Variants in ISX observed in about 807,000 individuals in gnomAD.
ISX encodes intestine-specific homeobox.
A neutral mutation model predicts 16.9 loss-of-function variants in ISX; 15 were observed. The observed-to-expected ratio is 0.89, with a 90% CI of 0.59 to 1.36. The LOEUF (loss-of-function observed/expected upper bound fraction) is 1.36, where lower values mean the gene tolerates loss of function less well. ISX is among the 40% of genes most tolerant of loss of function. The probability of loss-of-function intolerance (pLI) is 0.00; values close to 1 mark genes in which losing one functional copy is unlikely to be tolerated. For synonymous variants in ISX, 125 were observed against 119.7 expected (o/e 1.04, Z -0.29); for missense variants, 316 against 306.1 (o/e 1.03, Z -0.24).
At position 35,085,435 on chromosome 22, in the gene ISX, T is replaced by C. The variant is rs1929227484; in HGVS notation, c.499-19T>C. Reference sequence around the variant, plus strand: ...CAGCTTAGGACTCACTTCTCTCTCCTGACCTCTCCTTGTGACAGGGGCCCA... The same window carrying C: ...CAGCTTAGGACTCACTTCTCTCTCCCGACCTCTCCTTGTGACAGGGGCCCA... On this transcript the variant is annotated intron_variant, in intron 4 of 4. Transcript: ENST00000404699. 6.2e-7 allele frequency: 1 copy of C among 1,614,032 alleles called. No homozygotes were observed. The highest frequency in any genetic ancestry group is 1.1e-5 in the South Asian group (1 of 91,078).
Position 35,082,663 on chromosome 22 carries a change from G to A in ISX, c.375G>A (p.Arg125=). The change falls in exon 3 of 5, where the codon CGG becomes CGA. Residue 125 remains arginine (R), a synonymous_variant. Coordinates refer to ENST00000404699, the MANE Select transcript of ISX (RefSeq NM_001303508.2). ...CCAGGATCAACCTCCCAGAAGCTCG[G>A]GTGCAGGTACAGCCATCCCTACCTC... is the stretch of plus-strand genomic sequence containing the variant. ...LAARINLPEA[R]VQIWFQNQRA... The A allele has an allele frequency of 1.2e-6, 2 of 1,614,062 alleles. No homozygotes were observed. The highest frequency in any genetic ancestry group is 1.7e-6 in the Non-Finnish European group (2 of 1,180,000).
At chr22:35,083,231 A>G (rs1929165984) in intron 3 of ISX, among the ~76,000 whole-genome samples, 1 of 152,188 alleles carries the variant, frequency 6.6e-6, no homozygotes, top group African/African-American at 2.4e-5. Flanking sequence ...AAATGTGAAA[A>G]CGATTCTTAG....
At chr22:35,077,336 T>TAACCC (rs1353422314) in intron 2 of ISX, among the ~76,000 whole-genome samples, 3 of 152,188 alleles carry the variant, frequency 2.0e-5, no homozygotes, top group African/African-American at 4.8e-5. Context: ...CTGTGGTCTG[T>TAACCC]AACCCAAGCA....
At chr22:35,070,489 A>G (rs1928820075) in intron 2 of ISX, among the ~76,000 whole-genome samples, 1 of 152,248 alleles carries the variant, frequency 6.6e-6, no homozygotes, top group Non-Finnish European at 1.5e-5. Context: ...CATAGGCCCC[A>G]GGCGAAAGGT....
Position 35,084,429 on chromosome 22 carries a change from T to C in ISX, c.428T>C (p.Ile143Thr), listed in dbSNP as rs201106092. The C allele has an allele frequency of 3.0e-5, 49 of 1,613,948 alleles. No homozygotes were observed. In the East Asian group the frequency reaches 4.9e-4, roughly 16 times the overall value. The change falls in exon 4 of 5, where the codon ATT (isoleucine) becomes ACT (threonine). Residue 143 changes from isoleucine (I) to threonine (T), a missense_variant. By Grantham distance (89) the Ile-to-Thr change is moderately conservative (BLOSUM62 -1). Coordinates refer to ENST00000404699, the MANE Select transcript of ISX (RefSeq NM_001303508.2). ...QRAKWRKQEK[I>T]GNLGAPQQLS... is the part of the protein sequence containing the mutation. ...GCCAAGTGGCGGAAGCAGGAGAAGATTGGCAACCTGGGGGCTCCACAGCAG... is the reference window on the plus strand; with the variant it reads ...GCCAAGTGGCGGAAGCAGGAGAAGACTGGCAACCTGGGGGCTCCACAGCAG...
chr22:35,080,138 C>A (rs755684372), intron 2 of ISX, among the ~76,000 whole-genome samples: 4 of 152,214 alleles, frequency 2.6e-5, no homozygotes, highest in Non-Finnish European at 2.9e-5. Flanking sequence ...TTCTCGGTCT[C>A]TTTGTTGCCT....
chr22:35,082,740 G>C (rs549112221), intron 3 of ISX, 71 bp downstream of exon 3: 1 of 1,516,512 alleles, frequency 6.6e-7, no homozygotes, highest in Non-Finnish European at 9.0e-7. Context: ...AATATATCCA[G>C]GGACTTTTCG....
At chr22:35,075,161 T>C (rs1928949641) in intron 2 of ISX, among the ~76,000 whole-genome samples, 1 of 152,032 alleles carries the variant, frequency 6.6e-6, no homozygotes, top group Non-Finnish European at 1.5e-5. Flanking sequence ...TTCAGAGAAG[T>C]AGTGGCTTTT....
chr22:35,069,018 C>T (rs1220375980), intron 2 of ISX, among the ~76,000 whole-genome samples: 3 of 152,124 alleles, frequency 2.0e-5, no homozygotes, highest in Non-Finnish European at 4.4e-5. Context: ...TGCTGGAATT[C>T]GGCATTTCTG....
chr22:35,071,545 T>C (rs760051851), intron 2 of ISX, among the ~76,000 whole-genome samples: 2 of 152,300 alleles, frequency 1.3e-5, no homozygotes, highest in Non-Finnish European at 1.5e-5. Context: ...TGTTTGTGTG[T>C]AATGTCCCTT....
Position 35,085,807 on chromosome 22 carries a change from G to A in ISX, c.*114G>A, listed in dbSNP as rs1385605554. 13 of 1,360,082 alleles carry A rather than the reference G, an allele frequency of 9.6e-6. No individual in the cohort carries two copies. Among genetic ancestry groups the A allele is most frequent in the Non-Finnish European group, 1.1e-5 (11 of 971,694 alleles). The allele number at this position is 1,360,082 out of a possible 1,614,324, so 84.3% of individuals were successfully genotyped here. A position where few individuals can be genotyped will look rare whatever the true frequency, so the allele number is the denominator to read the frequency against. On this transcript the variant is annotated 3_prime_UTR_variant, in exon 5 of 5. Coordinates refer to ENST00000404699, the MANE Select transcript of ISX (RefSeq NM_001303508.2). ...TTTCACAATCCAAAAATGGCCCACA[G>A]CCCAGGAAGCTACCCTGAACATGCC...
intron 4 of ISX, among the ~76,000 whole-genome samples, chr22:35,085,013 A>G (rs571781979): frequency 5.3e-5 from 8 of 152,172 alleles, no homozygotes; most frequent in Non-Finnish European, 1.2e-4. Context: ...CGTATTTTTG[A>G]GTGGGCACCA....
At chr22:35,084,906 A>G (rs1929212162) in intron 4 of ISX, among the ~76,000 whole-genome samples, 1 of 152,148 alleles carries the variant, frequency 6.6e-6, no homozygotes, top group South Asian at 2.1e-4. Context: ...AATGTAATAA[A>G]GTTTTTTGAT....
chr22:35,079,547 G>A (rs1929073442), intron 2 of ISX, among the ~76,000 whole-genome samples: 1 of 152,170 alleles, frequency 6.6e-6, no homozygotes, highest in Non-Finnish European at 1.5e-5. Context: ...TCACAGCCTA[G>A]AGATGGATGA....
In ISX at chr22:35,082,646, A is replaced by G; in HGVS notation, c.358A>G (p.Asn120Asp). Residue 120 changes from asparagine to aspartate, a missense_variant, in exon 3 of 5, where the codon AAC (asparagine) becomes GAC (aspartate). Transcript: ENST00000404699. ...CCGCAGCCAGCTGGCAGCCAGGATCAACCTCCCAGAAGCTCGGGTGCAGGT... is the reference window on the plus strand; with the variant it reads ...CCGCAGCCAGCTGGCAGCCAGGATCGACCTCCCAGAAGCTCGGGTGCAGGT... ...HIRSQLAARI[N>D]LPEARVQIWF... The G allele has an allele frequency of 6.2e-7, 1 of 1,614,128 alleles. No individual in the cohort carries two copies.
intron 2 of ISX, among the ~76,000 whole-genome samples, chr22:35,071,415 G>A (rs2146288128): frequency 6.6e-6 from 1 of 152,294 alleles, no homozygotes; most frequent in East Asian, 1.9e-4. Flanking sequence ...GAGGCTCCAA[G>A]GGAAAATCTG....
At position 35,086,575 on chromosome 22, in the gene ISX, G is replaced by T. The variant is rs906020842; in HGVS notation, c.*882G>T. 3.3e-5 allele frequency: 5 copies of T among 152,280 alleles called. No individual in the cohort carries two copies. Among genetic ancestry groups the T allele is most frequent in the Middle Eastern group, 3.4e-3 (1 of 294 alleles). The allele number at this position is 152,280 out of a possible 1,614,324, so 9.4% of individuals were successfully genotyped here. On this transcript the variant is annotated 3_prime_UTR_variant, in exon 5 of 5. Transcript: ENST00000404699. The stretch of plus-strand genomic sequence containing the variant: ...CAACTCCCTATTTCCATGCAAAGAC[G>T]CTGGGCAAACCACATGTTCTGTCTG...
chr22:35,072,510 A>G (rs553605689), intron 2 of ISX, among the ~76,000 whole-genome samples: 29 of 152,318 alleles, frequency 1.9e-4, no homozygotes, highest in African/African-American at 7.0e-4. Flanking sequence ...TGATCCCTAA[A>G]GACAAACCCT....
intron 2 of ISX, 87 bp from the exon 3 acceptor site, chr22:35,082,431 T>TGGAA: frequency 2.3e-6 from 3 of 1,317,656 alleles, no homozygotes; most frequent in South Asian, 2.7e-5. Context: ...AGCAGTGGGG[T>TGGAA]GGAAGGGTAG....
Sources: gnomAD v4.1 joint callset for allele counts (sites outside exome capture counted in the v4.1 genomes callset) on GRCh38, gnomAD v4.1.1 for gene constraint, MANE v1.5 for transcripts, NCBI Gene and HGNC (gene_info 2026-07-23, HGNC 2026-07-21) for gene names.